Variants in C10orf90 observed in about 807,000 individuals in gnomAD.
C10orf90 encodes the protein (E2-independent) E3 ubiquitin-conjugating enzyme FATS.
Under a neutral mutation model 62.5 loss-of-function variants are expected in C10orf90, and 56 were observed. The observed-to-expected ratio is 0.90, with a 90% confidence interval of 0.72 to 1.12. The LOEUF is 1.12. Ranked by LOEUF, C10orf90 falls within the 50% of genes most tolerant of loss-of-function variation. The pLI, the probability that C10orf90 is intolerant of heterozygous loss-of-function variation, is 0.00. For missense variants in C10orf90, 970 were observed against 880.4 expected (o/e 1.10, Z -1.29); for synonymous variants, 386 against 340.4 (o/e 1.13, Z -1.47).
At chr10:126,535,778 A>G (rs1417675954) in intron 2 of C10orf90, among the ~76,000 whole-genome samples, 3 of 152,132 alleles carry the variant, frequency 2.0e-5, no homozygotes, top group South Asian at 2.1e-4. Context: ...GAACACCCTC[A>G]TTAGAGAGCA....
intron 1 of C10orf90, among the ~76,000 whole-genome samples, chr10:126,654,666 G>A (rs1307793991): frequency 6.6e-6 from 1 of 152,120 alleles, no homozygotes; most frequent in Non-Finnish European, 1.5e-5. Context: ...TCACAACTTG[G>A]CTAACTCTTT....
chr10:126,587,270 T>C (rs891676601), intron 2 of C10orf90, among the ~76,000 whole-genome samples: 11 of 152,232 alleles, frequency 7.2e-5, no homozygotes, highest in African/African-American at 2.7e-4. Flanking sequence ...TCCTATGAAA[T>C]GTATTAAAAT....
intron 2 of C10orf90, among the ~76,000 whole-genome samples, chr10:126,524,314 T>A (rs1863868281): frequency 6.6e-6 from 1 of 152,162 alleles, no homozygotes; most frequent in South Asian, 2.1e-4. Context: ...ATGATGGATA[T>A]AAGCAGTTAG....
intron 4 of C10orf90, among the ~76,000 whole-genome samples, chr10:126,493,215 CA>C (rs1226183707): frequency 6.6e-6 from 1 of 151,076 alleles, no homozygotes; most frequent in Non-Finnish European, 1.5e-5. Flanking sequence ...AAGCTTGTTG[CA>C]TTTATGAGAG....
intron 7 of C10orf90, among the ~76,000 whole-genome samples, chr10:126,441,581 A>T (rs191416919): frequency 6.6e-6 from 1 of 152,196 alleles, no homozygotes; most frequent in Admixed American, 6.5e-5. Context: ...GCACATTGTC[A>T]TCAGGTTACC....
intron 2 of C10orf90, among the ~76,000 whole-genome samples, chr10:126,519,373 G>A (rs1863619019): frequency 6.6e-6 from 1 of 152,196 alleles, no homozygotes; most frequent in African/African-American, 2.4e-5. Context: ...CTCTACAAAA[G>A]TAGCAGACAA....
rs146512513 is a variant in C10orf90 at position 126,624,948 on chromosome 10, C to T, written c.313+21617G>A. ...TGGACGATTACCATTTGGCCCTTGC[C>T]CTCAGAGAGCGGGCAGTCTATTAAA... On this transcript the variant is annotated intron_variant, in intron 2 of 9. Coordinates refer to ENST00000488181, the MANE Select transcript of C10orf90 (RefSeq NM_001350921.2). Among the ~76,000 whole-genome samples, 395 of 152,316 alleles carry T rather than the reference C, an allele frequency of 2.6e-3. 5 individuals carry two copies. The Middle Eastern group carries it at 0.027, about 10-fold the overall frequency.
chr10:126,460,909 A>G (rs1369583495), intron 6 of C10orf90, among the ~76,000 whole-genome samples: 3 of 152,194 alleles, frequency 2.0e-5, no homozygotes, highest in Non-Finnish European at 4.4e-5. Flanking sequence ...ACTTTATAAA[A>G]TGTGTGCATA....
chr10:126,460,661 A>G (rs1270483557), intron 6 of C10orf90, among the ~76,000 whole-genome samples: 1 of 151,276 alleles, frequency 6.6e-6, no homozygotes, highest in African/African-American at 2.4e-5. Context: ...TGTCCACCCC[A>G]CCAAGAATGG....
At chr10:126,576,668 T>TGGATAAAGAAAATGAA (rs1451508426) in intron 2 of C10orf90, among the ~76,000 whole-genome samples, 1 of 53,444 alleles carries the variant, frequency 1.9e-5, no homozygotes, top group Admixed American at 1.7e-4. Flanking sequence ...TGTATACATA[T>TGGATAAAGAAAATGAA]ATATGTATAC....
Position 126,504,273 on chromosome 10 carries a change from T to C in C10orf90, c.1218A>G (p.Leu406=). ...CTTCGCTTATTGGCTCTCTGTTCAC[T>C]AGGCCATCTACTCCATCTGCTGTTA... ...HRLTADGVDG[L]VNREPISEAL... Residue 406 remains leucine, a synonymous_variant, in exon 4 of 10, where the codon CTA becomes CTG. Transcript: ENST00000488181. This position sits in a 1 kb window ranked among gnomAD's most constrained non-coding sequence, Gnocchi z 4.1. 1 of 1,614,200 alleles carries C rather than the reference T, an allele frequency of 6.2e-7. No homozygotes were observed. Among genetic ancestry groups the C allele is most frequent in the South Asian group, 1.1e-5 (1 of 91,084 alleles).
chr10:126,527,582 G>A, intron 2 of C10orf90, among the ~76,000 whole-genome samples: 1 of 152,230 alleles, frequency 6.6e-6, no homozygotes, highest in East Asian at 1.9e-4. Flanking sequence ...CTGAGAGAAT[G>A]TTCTTTGGTG....
At chr10:126,441,337 C>A (rs4360610) in intron 7 of C10orf90, among the ~76,000 whole-genome samples, 106,003 of 151,868 alleles carry the variant, frequency 0.7, 37,430 homozygotes, top group East Asian at 0.9. Flanking sequence ...CAAAGACAAA[C>A]AAATAAGAAT....
chr10:126,515,551 T>C (rs1863393740), intron 2 of C10orf90, among the ~76,000 whole-genome samples: 1 of 152,172 alleles, frequency 6.6e-6, no homozygotes, highest in Admixed American at 6.5e-5. Context: ...CAATATGCCA[T>C]ACCATACCGC....
intron 6 of C10orf90, 123 bp downstream of exon 6, chr10:126,461,278 G>C (rs1292756009): frequency 8.8e-7 from 1 of 1,133,432 alleles, no homozygotes; most frequent in Non-Finnish European, 1.2e-6. Context: ...CAGTCACACA[G>C]CTGCTACAAA....
chr10:126,651,766 C>T (rs1455841787), intron 1 of C10orf90, among the ~76,000 whole-genome samples: 1 of 152,134 alleles, frequency 6.6e-6, no homozygotes, highest in Non-Finnish European at 1.5e-5. Flanking sequence ...AGGAGACATC[C>T]CAAGTCTACT....
At chr10:126,491,058 T>C (rs1029477463) in intron 4 of C10orf90, among the ~76,000 whole-genome samples, 2 of 152,184 alleles carry the variant, frequency 1.3e-5, no homozygotes, top group African/African-American at 4.8e-5. Flanking sequence ...AAAATCTGTA[T>C]CAGTCATTTA....
chr10:126,511,801 A>C (rs1454331758), intron 3 of C10orf90, among the ~76,000 whole-genome samples: 3 of 152,164 alleles, frequency 2.0e-5, no homozygotes, highest in African/African-American at 7.2e-5. Context: ...TCTTATTTAT[A>C]TGTTTCTGTA....
intron 3 of C10orf90, among the ~76,000 whole-genome samples, chr10:126,507,549 A>G (rs2133897904): frequency 6.7e-6 from 1 of 149,034 alleles, no homozygotes; most frequent in East Asian, 2.0e-4. Context: ...ATGAAAGGGG[A>G]CTTTCAGCCC....
Sources: allele counts gnomAD v4.1 joint callset (sites outside exome capture counted in the v4.1 genomes callset), GRCh38; gene constraint gnomAD v4.1.1; non-coding constraint Gnocchi (gnomAD v3.1); transcripts MANE v1.5; gene names NCBI Gene and HGNC (gene_info 2026-07-23, HGNC 2026-07-21).